NRXN1: variants seen among roughly 807,000 people sequenced by gnomAD.
NRXN1 encodes neurexin-1.
In NRXN1, 39 loss-of-function variants were observed where a neutral mutation model predicts 150.9. That is an observed-to-expected ratio of 0.26 (90% confidence interval 0.20 to 0.34). NRXN1 has a LOEUF of 0.34. NRXN1 is among the 10% of genes least tolerant of loss of function. NRXN1 has a pLI of 1.00. For missense variants in NRXN1, 1,815 were observed against 1,949.9 expected (o/e 0.93, Z 1.30); for synonymous variants, 924 against 757.0 (o/e 1.22, Z -3.62).
chr2:50,840,912 G>A (rs1280174041), intron 5 of NRXN1: 2 of 152,144 alleles, frequency 1.3e-5, no homozygotes, highest in Non-Finnish European at 2.9e-5. Context: ...CCTCAGATGT[G>A]TAACGCTTAC....
chr2:50,596,685 G>A (rs970380466), intron 8 of NRXN1, among the ~76,000 whole-genome samples: 1 of 152,054 alleles, frequency 6.6e-6, no homozygotes, highest in Non-Finnish European at 1.5e-5. Context: ...AGAACAGATG[G>A]TGAGGTTTGC....
chr2:50,060,155 C>T lies in NRXN1; in HGVS notation c.3719-5111G>A, dbSNP rs375232746. On this transcript the variant is annotated intron_variant, in intron 19 of 22. Coordinates refer to ENST00000401669, the MANE Select transcript of NRXN1 (RefSeq NM_001330078.2). ...CAGCCAGGAGGGAAGCGGCTGTACC[C>T]TGCAAAGCCACAGAGGCAGAGCTGC... Among the ~76,000 whole-genome samples the T allele has an allele frequency of 1.1e-4, 17 of 152,300 alleles. No homozygotes were observed. In the East Asian group the frequency reaches 3.1e-3, roughly 28 times the overall value.
intron 21 of NRXN1, among the ~76,000 whole-genome samples, chr2:49,995,838 T>C (rs1428249905): frequency 2.5e-5 from 2 of 79,768 alleles, no homozygotes; most frequent in Admixed American, 3.0e-4. Flanking sequence ...GTACTTCAAG[T>C]ATGAAAGCAC....
At chr2:50,876,581 T>C (rs1328305405) in intron 5 of NRXN1, among the ~76,000 whole-genome samples, 1 of 151,788 alleles carries the variant, frequency 6.6e-6, no homozygotes, top group Non-Finnish European at 1.5e-5. Flanking sequence ...CATAATACAA[T>C]ATCAGTATTT....
At chr2:50,197,710 A>G (rs1277115860) in intron 18 of NRXN1, among the ~76,000 whole-genome samples, 1 of 152,110 alleles carries the variant, frequency 6.6e-6, no homozygotes, top group Non-Finnish European at 1.5e-5. Flanking sequence ...CCCATTCAGT[A>G]CAGATATCAA....
intron 5 of NRXN1, chr2:50,919,658 A>G (rs1685711693): frequency 6.6e-6 from 1 of 151,888 alleles, no homozygotes; most frequent in Non-Finnish European, 1.5e-5. Flanking sequence ...TAAATCAGTT[A>G]TATAAACTGT....
At chr2:50,071,958 C>T (rs1167294085) in intron 19 of NRXN1, among the ~76,000 whole-genome samples, 1 of 152,092 alleles carries the variant, frequency 6.6e-6, no homozygotes, top group Non-Finnish European at 1.5e-5. Flanking sequence ...ACATTACAGT[C>T]CTGGTAATTA....
chr2:50,880,576 T>C (rs1397390173), intron 5 of NRXN1, among the ~76,000 whole-genome samples: 1 of 151,950 alleles, frequency 6.6e-6, no homozygotes, highest in African/African-American at 2.4e-5. Flanking sequence ...CATCATTTAA[T>C]TGTCATTATG....
chr2:50,502,960 A>G (rs2092025143), intron 13 of NRXN1, among the ~76,000 whole-genome samples: 1 of 152,136 alleles, frequency 6.6e-6, no homozygotes, highest in Non-Finnish European at 1.5e-5. Flanking sequence ...GGCTAATTCT[A>G]GGGGCGAAGT....
intron 21 of NRXN1, among the ~76,000 whole-genome samples, chr2:49,985,722 C>T (rs1021646720): frequency 2.6e-5 from 4 of 152,174 alleles, no homozygotes; most frequent in Admixed American, 6.5e-5. Context: ...TGGCTACAAC[C>T]TCATCTGCTC....
rs184478298 is a variant in NRXN1 at position 50,373,727 on chromosome 2, C to A, written c.3364+91715G>T. 5.2e-3 allele frequency among the ~76,000 whole-genome samples: 717 copies of A among 136,882 alleles called. 6 individuals are homozygous for A. Among genetic ancestry groups the A allele is most frequent in the Non-Finnish European group, 8.1e-3 (514 of 63,718 alleles). The allele number at this position is 136,882 out of a possible 152,430, so 89.8% of individuals were successfully genotyped here. A position where few individuals can be genotyped will look rare whatever the true frequency, so the allele number is the denominator to read the frequency against. ...AGAAAGAAAGAGAAAGAAAGACAGA[C>A]AGACTAGTCACATATTCTGTATTGT... On this transcript the variant is annotated intron_variant, in intron 17 of 22. Coordinates refer to ENST00000401669, the MANE Select transcript of NRXN1 (RefSeq NM_001330078.2).
At position 49,987,418 on chromosome 2, in the gene NRXN1, ATTATT is replaced by A. The variant is rs1361311347; in HGVS notation, c.4129-43632_4129-43628del. On this transcript the variant is annotated intron_variant, in intron 21 of 22. Transcript: ENST00000401669. ...TGTTTTTATAATATTTAGAGCATAT[ATTATT>A]TATTATTTTTTGTGTCTAATTTACA... Among the ~76,000 whole-genome samples, 3 of 152,078 alleles carry A rather than the reference ATTATT, an allele frequency of 2.0e-5. No individual in the cohort carries two copies. In the East Asian group the frequency reaches 5.8e-4, roughly 29 times the overall value.
chr2:50,623,074 C>G (rs1175636094), intron 6 of NRXN1, among the ~76,000 whole-genome samples: 2 of 152,066 alleles, frequency 1.3e-5, no homozygotes, highest in African/African-American at 4.8e-5. Flanking sequence ...CAGGGATATC[C>G]TTGCAGCCCT....
At chr2:50,828,147 G>A (rs929426867) in intron 5 of NRXN1, among the ~76,000 whole-genome samples, 8 of 151,640 alleles carry the variant, frequency 5.3e-5, no homozygotes, top group South Asian at 2.1e-4. Context: ...GGTGGTGGCC[G>A]GGCAGAGGGG....
chr2:50,948,556 T>C (rs1025110160), intron 2 of NRXN1, among the ~76,000 whole-genome samples: 9 of 152,204 alleles, frequency 5.9e-5, no homozygotes, highest in Non-Finnish European at 7.4e-5. Context: ...TCTGAATTTA[T>C]TGGAGTTCAT....
At chr2:50,922,763 T>C (rs1686246412) in intron 3 of NRXN1, 76 bp from the exon 4 acceptor site, 1 of 1,405,818 alleles carries the variant, frequency 7.1e-7, no homozygotes, top group Admixed American at 1.8e-5. Context: ...GTGACAAAAA[T>C]GTTCAGTGAC....
At chr2:50,591,423 GA>G (rs1674216510) in intron 8 of NRXN1, among the ~76,000 whole-genome samples, 2 of 151,870 alleles carry the variant, frequency 1.3e-5, no homozygotes, top group Admixed American at 6.6e-5. Flanking sequence ...TAGATAGATA[GA>G]TAGATAGATA....
At chr2:50,252,431 G>T (rs1255621962) in intron 17 of NRXN1, among the ~76,000 whole-genome samples, 1 of 151,156 alleles carries the variant, frequency 6.6e-6, no homozygotes, top group Admixed American at 6.6e-5. Context: ...GCTAATTTTT[G>T]TACTTTTAGT....
At chr2:50,561,876 T>G (rs758237108) in intron 8 of NRXN1, among the ~76,000 whole-genome samples, 5 of 152,220 alleles carry the variant, frequency 3.3e-5, no homozygotes, top group Non-Finnish European at 5.9e-5. Context: ...AAGGAAGTGA[T>G]GAAGATACTT....
Sources: allele counts gnomAD v4.1 joint callset (sites outside exome capture counted in the v4.1 genomes callset), GRCh38; gene constraint gnomAD v4.1.1; transcripts MANE v1.5; gene names NCBI Gene and HGNC (gene_info 2026-07-23, HGNC 2026-07-21).